The following KCNH1 variants were observed in gnomAD, a reference collection of about 807,000 sequenced individuals.
KCNH1 encodes the protein voltage-gated delayed rectifier potassium channel KCNH1.
KCNH1 carries 27 observed loss-of-function variants against 69.2 expected under a neutral mutation model. That is an observed-to-expected ratio of 0.39 (90% confidence interval 0.29 to 0.54). The LOEUF is 0.54. Ranked by LOEUF, KCNH1 falls within the 20% of genes least tolerant of loss-of-function variation. The pLI is 0.68. For missense variants in KCNH1, 798 were observed against 1,261.6 expected, an observed-to-expected ratio of 0.63 and a Z score of 5.57; for synonymous variants, 456 against 487.7, an observed-to-expected ratio of 0.93 and a Z score of 0.86.
chr1:211,027,429 A>AC (rs1689704264), intron 5 of KCNH1, among the ~76,000 whole-genome samples: 1 of 151,724 alleles, frequency 6.6e-6, no homozygotes, highest in South Asian at 2.1e-4. Flanking sequence ...ACATAGTGAG[A>AC]CCCCATCTCT....
At chr1:211,110,255 G>T (rs1388604537) in intron 1 of KCNH1, among the ~76,000 whole-genome samples, 1 of 151,960 alleles carries the variant, frequency 6.6e-6, no homozygotes, top group East Asian at 1.9e-4. Context: ...AGCAAAATGA[G>T]GGAATAAAGC....
chr1:210,850,426 G>A lies in KCNH1; in HGVS notation c.1463-46260C>T, dbSNP rs138976058. ...CTCGGGAGGCTGAGGCATGAGAATC[G>A]CTTGAATCCGGGAGGCGGAGGTTGC... On this transcript the variant is annotated intron_variant, in intron 7 of 10. Coordinates refer to ENST00000271751, the MANE Select transcript of KCNH1 (RefSeq NM_172362.3). Among the ~76,000 whole-genome samples, 251 of 152,260 alleles carry A rather than the reference G, an allele frequency of 1.6e-3. 1 individual carries two copies. Among genetic ancestry groups the A allele is most frequent in the African/African-American group, 5.7e-3 (235 of 41,536 alleles).
At chr1:210,865,290 A>G (rs531107750) in intron 7 of KCNH1, among the ~76,000 whole-genome samples, 24 of 152,374 alleles carry the variant, frequency 1.6e-4, no homozygotes, top group African/African-American at 5.3e-4. Flanking sequence ...AGTCCTTACA[A>G]TAATACTGCA....
chr1:211,077,371 C>A (rs978704293), intron 5 of KCNH1, among the ~76,000 whole-genome samples: 5 of 152,236 alleles, frequency 3.3e-5, no homozygotes, highest in Non-Finnish European at 5.9e-5. Context: ...GGTCGAGTTA[C>A]CCACAAAGGG....
intron 3 of KCNH1, among the ~76,000 whole-genome samples, chr1:211,096,357 C>G (rs1476348690): frequency 6.6e-6 from 1 of 152,048 alleles, no homozygotes; most frequent in African/African-American, 2.4e-5. Flanking sequence ...AGCCACCGTG[C>G]CTGGCCCCAA....
intron 6 of KCNH1, among the ~76,000 whole-genome samples, chr1:210,958,166 T>C (rs1574361372): frequency 6.6e-6 from 1 of 152,230 alleles, no homozygotes; most frequent in African/African-American, 2.4e-5. Context: ...TCTCCTTCAC[T>C]TATGAAACTT....
intron 6 of KCNH1, among the ~76,000 whole-genome samples, chr1:211,009,519 G>A (rs912656761): frequency 1.1e-4 from 16 of 152,152 alleles, no homozygotes; most frequent in African/African-American, 3.1e-4. Flanking sequence ...CCTGACCCAC[G>A]AGAAGGAGGG....
At chr1:210,789,668 T>C (rs1684176071) in intron 9 of KCNH1, among the ~76,000 whole-genome samples, 1 of 152,178 alleles carries the variant, frequency 6.6e-6, no homozygotes, top group South Asian at 2.1e-4. Flanking sequence ...TAAAGACAAC[T>C]TGAAAGACAA....
At chr1:211,048,706 G>C (rs982654951) in intron 5 of KCNH1, among the ~76,000 whole-genome samples, 1 of 152,150 alleles carries the variant, frequency 6.6e-6, no homozygotes, top group Non-Finnish European at 1.5e-5. Context: ...AATAATGGGG[G>C]AGTGAGGAAT....
intron 7 of KCNH1, among the ~76,000 whole-genome samples, chr1:210,874,361 T>G (rs913072225): frequency 6.6e-6 from 1 of 152,240 alleles, no homozygotes; most frequent in Admixed American, 6.5e-5. Context: ...ATATTTCTAT[T>G]ACTTAGAGCT....
intron 10 of KCNH1, among the ~76,000 whole-genome samples, chr1:210,691,473 A>C: frequency 6.6e-6 from 1 of 152,206 alleles, no homozygotes; most frequent in East Asian, 1.9e-4. Context: ...ACTACCCAAG[A>C]GGACAAAGCT....
intron 10 of KCNH1, among the ~76,000 whole-genome samples, chr1:210,693,009 G>A (rs904888251): frequency 2.0e-5 from 3 of 152,228 alleles, no homozygotes; most frequent in African/African-American, 7.2e-5. Flanking sequence ...CCTGCCCTTT[G>A]CGCTCAGGCC....
At chr1:210,709,091 A>T (rs529907353) in intron 10 of KCNH1, among the ~76,000 whole-genome samples, 5 of 152,280 alleles carry the variant, frequency 3.3e-5, no homozygotes, top group African/African-American at 9.6e-5. Context: ...CCTCTACTAA[A>T]AATACAAAAA....
intron 7 of KCNH1, among the ~76,000 whole-genome samples, chr1:210,889,739 C>T (rs1160374637): frequency 6.6e-6 from 1 of 152,172 alleles, no homozygotes; most frequent in Non-Finnish European, 1.5e-5. Flanking sequence ...GCAAAAATCA[C>T]AAGCATTATT....
In KCNH1 at chr1:211,133,730, C is replaced by G. The variant is rs891876214; in HGVS notation, c.79+137G>C. On this transcript the variant is annotated intron_variant, in intron 1 of 10. Coordinates refer to ENST00000271751, the MANE Select transcript of KCNH1 (RefSeq NM_172362.3). The surrounding 1 kb of genome is among the most constrained non-coding windows in gnomAD (Gnocchi z 5.4). ...ACCTTTCTCTGCCTCGGGGAGGCTGCCCTGGGTGCCCGCGCCGCGGCTCCT... is the reference window on the plus strand; with the variant it reads ...ACCTTTCTCTGCCTCGGGGAGGCTGGCCTGGGTGCCCGCGCCGCGGCTCCT... 5.3e-5 allele frequency: 39 copies of G among 742,818 alleles called. No individual in the cohort carries two copies. The South Asian group carries it at 6.2e-4, about 12-fold the overall frequency. The allele number at this position is 742,818 out of a possible 1,614,324, so 46.0% of individuals were successfully genotyped here.
chr1:210,967,967 C>A (rs1204523992), intron 6 of KCNH1, among the ~76,000 whole-genome samples: 1 of 151,924 alleles, frequency 6.6e-6, no homozygotes, highest in African/African-American at 2.4e-5. Flanking sequence ...ACTGCACCCA[C>A]TAACTCGTCA....
chr1:210,990,614 GCTCT>G (rs936932990), intron 6 of KCNH1, among the ~76,000 whole-genome samples: 5 of 152,154 alleles, frequency 3.3e-5, no homozygotes, highest in African/African-American at 9.7e-5. Context: ...TCCCTGAGGG[GCTCT>G]CTAAGTTGAG....
In KCNH1 at chr1:210,804,172, G is replaced by T. The variant is rs1238062658; in HGVS notation, c.1463-6C>A. The T allele has an allele frequency of 1.2e-6, 2 of 1,605,954 alleles. No homozygotes were observed. Among genetic ancestry groups the T allele is most frequent in the South Asian group, 2.2e-5 (2 of 90,058 alleles). On this transcript the variant is annotated splice_polypyrimidine_tract_variant and splice_region_variant and intron_variant, in intron 7 of 10. Transcript: ENST00000271751. ...GATGGTGGCATAGAGAAGTGCTAGA[G>T]GTGAGGAGGAGGAGCAAAAGAAGAA...
intron 5 of KCNH1, among the ~76,000 whole-genome samples, chr1:211,076,268 C>T (rs531243883): frequency 6.6e-6 from 1 of 152,338 alleles, no homozygotes; most frequent in Admixed American, 6.5e-5. Flanking sequence ...TGAGAATGGA[C>T]AGACTGCCTC....
Sources: gnomAD v4.1 joint callset for allele counts (sites outside exome capture counted in the v4.1 genomes callset) on GRCh38, gnomAD v4.1.1 for gene constraint, Gnocchi (gnomAD v3.1) non-coding constraint, MANE v1.5 for transcripts, NCBI Gene and HGNC (gene_info 2026-07-23, HGNC 2026-07-21) for gene names.